The following VRK3 variants were observed in gnomAD, a reference collection of about 807,000 sequenced individuals.
VRK3 encodes VRK serine/threonine kinase 3, also known as serine/threonine-protein kinase VRK3.
A neutral mutation model predicts 60.4 loss-of-function variants in VRK3; 50 were observed. The observed-to-expected ratio is 0.83, with a 90% confidence interval of 0.66 to 1.05. The LOEUF is 1.05. VRK3 is among the 50% of genes least tolerant of loss of function. The pLI is 0.00. For synonymous variants in VRK3, 246 were observed against 227.8 expected, an observed-to-expected ratio of 1.08 and a Z score of -0.72; for missense variants, 549 against 585.3, an observed-to-expected ratio of 0.94 and a Z score of 0.64.
At chr19:49,984,024 C>A (rs1488215952) in intron 12 of VRK3, among the ~76,000 whole-genome samples, 1 of 152,200 alleles carries the variant, frequency 6.6e-6, no homozygotes, top group African/African-American at 2.4e-5. Flanking sequence ...TTACCATGAC[C>A]TGTCTTAACT....
chr19:50,016,657 C>T (rs1338955515), intron 2 of VRK3, among the ~76,000 whole-genome samples: 1 of 152,172 alleles, frequency 6.6e-6, no homozygotes, highest in East Asian at 1.9e-4. Context: ...CCTATTCTAT[C>T]CTGACTAATT....
chr19:49,999,335 G>A (rs938160978), intron 6 of VRK3: 6 of 152,202 alleles, frequency 3.9e-5, no homozygotes, highest in South Asian at 2.1e-4. Flanking sequence ...TGACGCGAGC[G>A]ACGTGGGCAC....
intron 12 of VRK3, among the ~76,000 whole-genome samples, chr19:49,982,864 C>G (rs1203473581): frequency 1.2e-4 from 19 of 152,262 alleles, no homozygotes. Context: ...CCAGGCCCAG[C>G]CCCTCCACTT....
In VRK3 at chr19:50,007,656, T is replaced by A; in HGVS notation, c.460A>T (p.Thr154Ser). 1.2e-6 allele frequency: 2 copies of A among 1,614,200 alleles called. No individual in the cohort carries two copies. The highest frequency in any genetic ancestry group is 1.7e-6 in the Non-Finnish European group (2 of 1,180,044). ...CTCTTGTCTGTCAGCACTGTCCCTG[T>A]GGGCAAAGCTTCAAGTGAGGTGGTC... The part of the protein sequence containing the change: ...RVTTSLEALP[T>S]GTVLTDKSGR... Residue 154 changes from threonine to serine, a missense_variant, in exon 5 of 15, where the codon ACA becomes TCA. Physicochemically the swap from Thr to Ser is moderately conservative, Grantham distance 58 (BLOSUM62 1). Coordinates refer to ENST00000316763, the MANE Select transcript of VRK3 (RefSeq NM_016440.4).
intron 3 of VRK3, among the ~76,000 whole-genome samples, chr19:50,009,780 T>C (rs915434147): frequency 1.3e-4 from 20 of 152,096 alleles, no homozygotes; most frequent in African/African-American, 4.3e-4. Flanking sequence ...ATTACAGGCA[T>C]GCACCAACAT....
chr19:50,004,576 TCA>T (rs1034023286), intron 5 of VRK3, among the ~76,000 whole-genome samples: 4 of 152,122 alleles, frequency 2.6e-5, no homozygotes, highest in South Asian at 2.1e-4. Context: ...GGTGCCTATC[TCA>T]CAGTGTGGCT....
chr19:49,985,381 G>A (rs531957385), intron 12 of VRK3, among the ~76,000 whole-genome samples: 2 of 152,366 alleles, frequency 1.3e-5, no homozygotes, highest in Non-Finnish European at 2.9e-5. Context: ...GAGGTTGCCT[G>A]CGGAAGTCTG....
chr19:49,989,522 G>A, intron 11 of VRK3, 117 bp downstream of exon 11: 1 of 1,369,516 alleles, frequency 7.3e-7, no homozygotes, highest in Non-Finnish European at 9.7e-7. Context: ...TCCCTGTCCT[G>A]GCGCCCTTAG....
At chr19:50,013,116 A>C (rs1435907146) in intron 3 of VRK3, among the ~76,000 whole-genome samples, 1 of 150,714 alleles carries the variant, frequency 6.6e-6, no homozygotes. Flanking sequence ...GCAGTGAGCC[A>C]AGATCGCGTC....
chr19:50,009,493 C>T, intron 3 of VRK3, 108 bp from the exon 4 acceptor site: 1 of 1,288,466 alleles, frequency 7.8e-7, no homozygotes, highest in Non-Finnish European at 1.1e-6. Context: ...TCTCTTTGGC[C>T]CTCAACACCA....
At position 49,995,279 on chromosome 19, in the gene VRK3, C is replaced by G; in HGVS notation, c.680-4G>C. 6.2e-7 allele frequency: 1 copy of G among 1,613,946 alleles called. No individual in the cohort carries two copies. Among genetic ancestry groups the G allele is most frequent in the Non-Finnish European group, 8.5e-7 (1 of 1,179,900 alleles). ...TACAGCTTCTTCCACTTGTTGACTG[C>G]GGAAAGCAGGGGCTTGAGGTTAGAA... On this transcript the variant is annotated splice_region_variant and splice_polypyrimidine_tract_variant and intron_variant, in intron 7 of 14. Coordinates refer to ENST00000316763, the MANE Select transcript of VRK3 (RefSeq NM_016440.4).
intron 1 of VRK3, 119 bp from the exon 2 acceptor site, chr19:50,020,766 T>C (rs2077158643): frequency 1.3e-5 from 2 of 152,220 alleles, no homozygotes; most frequent in African/African-American, 4.8e-5. Context: ...CATTCGTTTA[T>C]TCATTTACTC....
intron 1 of VRK3, among the ~76,000 whole-genome samples, chr19:50,022,970 C>G (rs117546249): frequency 3.3e-5 from 5 of 152,306 alleles, no homozygotes; most frequent in African/African-American, 1.2e-4. Flanking sequence ...CCACCTCTCC[C>G]CTTGCTCACG....
chr19:50,005,033 C>T (rs150805759), intron 5 of VRK3, among the ~76,000 whole-genome samples: 1 of 148,860 alleles, frequency 6.7e-6, no homozygotes, highest in African/African-American at 2.6e-5. Flanking sequence ...CTGGCCCTGC[C>T]TATCTGTCCC....
At chr19:49,998,336 A>C (rs1266349203) in intron 6 of VRK3, 1 of 151,924 alleles carries the variant, frequency 6.6e-6, no homozygotes, top group Non-Finnish European at 1.5e-5. Flanking sequence ...AAAATACGAA[A>C]ATTAGCCAGG....
At chr19:49,996,601 T>C (rs573862129) in intron 7 of VRK3, among the ~76,000 whole-genome samples, 1 of 152,350 alleles carries the variant, frequency 6.6e-6, no homozygotes, top group Admixed American at 6.5e-5. Context: ...ATAATTTATT[T>C]GTAAAATTAT....
At chr19:49,981,357 C>T (rs1334307632) in intron 12 of VRK3, among the ~76,000 whole-genome samples, 2 of 152,154 alleles carry the variant, frequency 1.3e-5, no homozygotes, top group East Asian at 3.9e-4. Flanking sequence ...ATCATCCTGG[C>T]TAACACGGTG....
chr19:49,984,618 C>A (rs1568774505), intron 12 of VRK3, among the ~76,000 whole-genome samples: 1 of 152,160 alleles, frequency 6.6e-6, no homozygotes, highest in Non-Finnish European at 1.5e-5. Context: ...GTTCTTCATT[C>A]CACTACGATT....
intron 3 of VRK3, 22 bp from the exon 4 acceptor site, chr19:50,009,407 G>C (rs762004180): frequency 7.4e-6 from 12 of 1,611,688 alleles, no homozygotes; most frequent in African/African-American, 1.3e-5. Flanking sequence ...CAGACAAAAT[G>C]CAGACTGGAG....
Sources: gnomAD v4.1 joint callset for allele counts (sites outside exome capture counted in the v4.1 genomes callset) on GRCh38, gnomAD v4.1.1 for gene constraint, MANE v1.5 for transcripts, NCBI Gene and HGNC (gene_info 2026-07-23, HGNC 2026-07-21) for gene names.